The following PIK3C2G variants were observed in gnomAD, a reference collection of about 807,000 sequenced individuals.
PIK3C2G encodes the protein phosphatidylinositol 3-kinase C2 domain-containing subunit gamma.
In PIK3C2G, 168 loss-of-function variants were observed where a neutral mutation model predicts 181.1. The ratio of observed to expected loss-of-function variants is 0.93; its 90% CI spans 0.82 to 1.05. The LOEUF is 1.05. PIK3C2G is among the 50% of genes least tolerant of loss of function. The probability of loss-of-function intolerance (pLI) is 0.00; values close to 1 mark genes in which losing one functional copy is unlikely to be tolerated. For missense variants in PIK3C2G, 1,869 were observed against 1,732.8 expected (o/e 1.08, Z -1.40); for synonymous variants, 573 against 592.2 (o/e 0.97, Z 0.47).
chr12:18,671,348 C>T, the PIK3C2G span, among the ~76,000 whole-genome samples: 2 of 151,760 alleles, frequency 1.3e-5, no homozygotes, highest in Non-Finnish European at 2.9e-5. Flanking sequence ...AATCCACAAT[C>T]GAGTAAGTAC....
At chr12:18,608,388 T>A (rs557986776) in intron 30 of PIK3C2G, among the ~76,000 whole-genome samples, 9 of 152,156 alleles carry the variant, frequency 5.9e-5, no homozygotes, top group Non-Finnish European at 1.0e-4. Context: ...TAAAAAATGA[T>A]GAGTTCATAT....
At chr12:18,325,723 A>G (rs79002821) in intron 8 of PIK3C2G, among the ~76,000 whole-genome samples, 35 of 150,966 alleles carry the variant, frequency 2.3e-4, no homozygotes, top group South Asian at 1.5e-3. Context: ...AAAAAAAAAA[A>G]AGAGAGAGAG....
chr12:18,451,473 T>G (rs1947357108), intron 18 of PIK3C2G, among the ~76,000 whole-genome samples: 1 of 152,212 alleles, frequency 6.6e-6, no homozygotes, highest in South Asian at 2.1e-4. Flanking sequence ...AAGAAGTTTT[T>G]GGGCTCACAC....
At chr12:18,680,779 C>A in the PIK3C2G span, among the ~76,000 whole-genome samples, 11 of 152,104 alleles carry the variant, frequency 7.2e-5, no homozygotes, top group South Asian at 2.3e-3. Flanking sequence ...TTAGAAAGGA[C>A]TCACTATTGG....
At chr12:18,567,080 AT>A (rs774616878) in intron 29 of PIK3C2G, 23 bp downstream of exon 29, 5 of 1,056,092 alleles carry the variant, frequency 4.7e-6, no homozygotes, top group Non-Finnish European at 7.2e-6. Flanking sequence ...TAATTTTTCT[AT>A]TTTTACATAA....
At chr12:18,700,082 T>A in the PIK3C2G span, 1 of 734,286 alleles carries the variant, frequency 1.4e-6, no homozygotes, top group Non-Finnish European at 2.3e-6. Context: ...CAAACACCAT[T>A]TGATTAACTC....
At chr12:18,414,142 ATGCTTGC>A (rs550553879) in intron 16 of PIK3C2G, among the ~76,000 whole-genome samples, 232 of 152,246 alleles carry the variant, frequency 1.5e-3, no homozygotes, top group African/African-American at 5.1e-3. Flanking sequence ...AAAAAGTAGA[ATGCTTGC>A]TCTTTCACGC....
At chr12:18,301,108 T>A (rs2137286184) in intron 5 of PIK3C2G, among the ~76,000 whole-genome samples, 1 of 152,318 alleles carries the variant, frequency 6.6e-6, no homozygotes, top group East Asian at 1.9e-4. Flanking sequence ...TCCATGTGAC[T>A]CAATGCTTTT....
chr12:18,639,938 CTAAT>C (rs1466770084), intron 31 of PIK3C2G, among the ~76,000 whole-genome samples: 20 of 151,584 alleles, frequency 1.3e-4, no homozygotes, highest in African/African-American at 4.1e-4. Context: ...AGTTATAGCT[CTAAT>C]TAATATTTTA....
At chr12:18,665,407 A>G in the PIK3C2G span, among the ~76,000 whole-genome samples, 4 of 152,136 alleles carry the variant, frequency 2.6e-5, no homozygotes, top group East Asian at 5.8e-4. Flanking sequence ...TTTCACCACA[A>G]GAAAAAAAAA....
intron 2 of PIK3C2G, among the ~76,000 whole-genome samples, chr12:18,283,183 G>A (rs1007887642): frequency 6.6e-6 from 1 of 152,106 alleles, no homozygotes; most frequent in South Asian, 2.1e-4. Flanking sequence ...ATTATTGGTA[G>A]GAAAAAATGC....
intron 8 of PIK3C2G, among the ~76,000 whole-genome samples, chr12:18,331,710 A>AT: frequency 6.6e-6 from 1 of 152,184 alleles, no homozygotes; most frequent in Middle Eastern, 3.4e-3. Flanking sequence ...ACAAGTAGTC[A>AT]TAAGAACAGA....
At chr12:18,638,498 T>C (rs1949699909) in intron 31 of PIK3C2G, among the ~76,000 whole-genome samples, 1 of 152,204 alleles carries the variant, frequency 6.6e-6, no homozygotes. Flanking sequence ...TTTGTGAAGC[T>C]TGGAGTTCAA....
intron 8 of PIK3C2G, 88 bp downstream of exon 8, chr12:18,325,186 TGACAAAAATG>T: frequency 1.5e-6 from 1 of 687,640 alleles, no homozygotes; most frequent in South Asian, 1.8e-5. Context: ...ATTTTGAAGA[TGACAAAAATG>T]AATAAAACAG....
intron 12 of PIK3C2G, among the ~76,000 whole-genome samples, chr12:18,363,396 G>A (rs554232894): frequency 6.6e-6 from 1 of 152,112 alleles, no homozygotes; most frequent in East Asian, 1.9e-4. Flanking sequence ...GTAAAGATTT[G>A]TTAAGTCAAG....
At chr12:18,264,011 C>T (rs967216557) in intron 1 of PIK3C2G, among the ~76,000 whole-genome samples, 3 of 152,132 alleles carry the variant, frequency 2.0e-5, no homozygotes, top group Admixed American at 1.3e-4. Flanking sequence ...ACCCTTTTCT[C>T]ATCTTCTCAC....
intron 30 of PIK3C2G, among the ~76,000 whole-genome samples, chr12:18,600,656 A>G (rs565691726): frequency 3.0e-4 from 45 of 152,078 alleles, no homozygotes; most frequent in Non-Finnish European, 5.4e-4. Context: ...AATTATAGTA[A>G]CAGACTACCT....
At chr12:18,678,215 G>A in the PIK3C2G span, among the ~76,000 whole-genome samples, 9 of 152,110 alleles carry the variant, frequency 5.9e-5, no homozygotes, top group Admixed American at 2.6e-4. Flanking sequence ...GGCTAATACT[G>A]CTGTTAGAAC....
At chr12:18,523,787 C>T (rs1003009525) in intron 24 of PIK3C2G, among the ~76,000 whole-genome samples, 2 of 152,130 alleles carry the variant, frequency 1.3e-5, no homozygotes, top group Non-Finnish European at 2.9e-5. Flanking sequence ...AATTTGAGTA[C>T]CGAAACTTAG....
Sources: allele counts gnomAD v4.1 joint callset (sites outside exome capture counted in the v4.1 genomes callset), GRCh38; gene constraint gnomAD v4.1.1; transcripts MANE v1.5; gene names NCBI Gene and HGNC (gene_info 2026-07-23, HGNC 2026-07-21).